EPHA6: variants seen among roughly 807,000 people sequenced by gnomAD.
The protein encoded by EPHA6 is ephrin type-A receptor 6.
EPHA6 carries 50 observed loss-of-function variants against 112.0 expected under a neutral mutation model. That is an observed-to-expected ratio of 0.45 (90% CI 0.36 to 0.56). The LOEUF (loss-of-function observed/expected upper bound fraction) is 0.56. Ranked by LOEUF, EPHA6 falls within the 20% of genes least tolerant of loss-of-function variation. The pLI is 0.00. For missense variants in EPHA6, 1,280 were observed against 1,417.4 expected (o/e 0.90, Z 1.56); for synonymous variants, 529 against 490.7 (o/e 1.08, Z -1.03).
intron 2 of EPHA6, among the ~76,000 whole-genome samples, chr3:96,970,268 A>ACACAAAC (rs1559631875): frequency 8.3e-6 from 1 of 120,888 alleles, no homozygotes; most frequent in African/African-American, 3.8e-5. Context: ...CACACACACA[A>ACACAAAC]ACACACACAC....
chr3:96,927,336 C>A (rs2107646273), intron 2 of EPHA6, among the ~76,000 whole-genome samples: 1 of 152,358 alleles, frequency 6.6e-6, no homozygotes, highest in African/African-American at 2.4e-5. Context: ...GTGAAGGTCT[C>A]TGGCATGCCC....
intron 1 of EPHA6, among the ~76,000 whole-genome samples, chr3:96,862,244 G>A (rs2036050403): frequency 6.6e-6 from 1 of 151,838 alleles, no homozygotes; most frequent in Non-Finnish European, 1.5e-5. Context: ...TGTTTTTTAA[G>A]AGCTATTGGA....
At chr3:96,942,514 C>G (rs934137863) in intron 2 of EPHA6, among the ~76,000 whole-genome samples, 1 of 152,190 alleles carries the variant, frequency 6.6e-6, no homozygotes, top group African/African-American at 2.4e-5. Flanking sequence ...TGCCGTCTGT[C>G]ACCCCTTTCT....
intron 3 of EPHA6, among the ~76,000 whole-genome samples, chr3:97,112,177 T>G (rs903516139): frequency 2.0e-4 from 30 of 152,146 alleles, no homozygotes; most frequent in Admixed American, 6.6e-4. Context: ...AATTTTCATC[T>G]CTGTTTCTTC....
chr3:97,668,678 C>T (rs1382148356), intron 14 of EPHA6, among the ~76,000 whole-genome samples: 2 of 151,892 alleles, frequency 1.3e-5, no homozygotes, highest in Non-Finnish European at 2.9e-5. Context: ...CTTTGGGAGG[C>T]CGAGGTGGGC....
chr3:96,837,344 A>G (rs1158298208), intron 1 of EPHA6, among the ~76,000 whole-genome samples: 1 of 152,132 alleles, frequency 6.6e-6, no homozygotes, highest in African/African-American at 2.4e-5. Context: ...CTTACTCTGC[A>G]TAGAGGGGTC....
intron 2 of EPHA6, among the ~76,000 whole-genome samples, chr3:96,954,852 G>A (rs1315435165): frequency 7.2e-6 from 1 of 139,620 alleles, no homozygotes; most frequent in Non-Finnish European, 1.5e-5. Flanking sequence ...GGACTGCAGT[G>A]GCGCAATCTC....
At chr3:97,536,569 G>C (rs1211250324) in intron 11 of EPHA6, among the ~76,000 whole-genome samples, 1 of 152,158 alleles carries the variant, frequency 6.6e-6, no homozygotes, top group Admixed American at 6.6e-5. Flanking sequence ...TGCTGCGCTT[G>C]CTCAAAACCC....
At chr3:97,068,588 AAG>A (rs1231692062) in intron 3 of EPHA6, among the ~76,000 whole-genome samples, 1 of 152,038 alleles carries the variant, frequency 6.6e-6, no homozygotes, top group Non-Finnish European at 1.5e-5. Context: ...GACTGAAAAT[AAG>A]AGAGTTTTGA....
intron 5 of EPHA6, among the ~76,000 whole-genome samples, chr3:97,333,454 T>C (rs1294836012): frequency 6.7e-6 from 1 of 150,316 alleles, no homozygotes; most frequent in Non-Finnish European, 1.5e-5. Context: ...TCCTTTACAC[T>C]CTGTATGGCT....
chr3:97,263,145 C>A (rs2079555257), intron 5 of EPHA6, among the ~76,000 whole-genome samples: 1 of 152,056 alleles, frequency 6.6e-6, no homozygotes, highest in East Asian at 1.9e-4. Context: ...TAAGCAGAAT[C>A]AATATTTATT....
intron 13 of EPHA6, among the ~76,000 whole-genome samples, chr3:97,633,233 T>C (rs2093918547): frequency 6.6e-6 from 1 of 151,984 alleles, no homozygotes; most frequent in Non-Finnish European, 1.5e-5. Flanking sequence ...AGGCTCACCC[T>C]TTCTGTCAGT....
At chr3:97,012,168 T>C (rs1462461119) in intron 3 of EPHA6, among the ~76,000 whole-genome samples, 4 of 152,164 alleles carry the variant, frequency 2.6e-5, no homozygotes, top group Admixed American at 6.5e-5. Context: ...AATATATATG[T>C]ACCCAGTAAT....
rs191071761 is a variant in EPHA6, at chr3:96,833,574, G to C, written c.385+18566G>C. ...CTTGCATTCTTAAGGAGTAAACTATGGTGTCTGTGTAATGGTAAGAGATGG... is the reference window on the plus strand; with the variant it reads ...CTTGCATTCTTAAGGAGTAAACTATCGTGTCTGTGTAATGGTAAGAGATGG... On this transcript the variant is annotated intron_variant, in intron 1 of 17. Transcript: ENST00000389672. Among the ~76,000 whole-genome samples the C allele has an allele frequency of 7.1e-3, 1,077 of 152,026 alleles. 15 individuals carry two copies. The highest frequency in any genetic ancestry group is 0.024 in the African/African-American group (1,011 of 41,480).
intron 12 of EPHA6, among the ~76,000 whole-genome samples, chr3:97,606,947 A>G (rs1424404969): frequency 6.6e-6 from 1 of 151,112 alleles, no homozygotes; most frequent in Non-Finnish European, 1.5e-5. Flanking sequence ...TTATCACCAC[A>G]CATTTTATTG....
intron 6 of EPHA6, among the ~76,000 whole-genome samples, chr3:97,421,076 A>C (rs2088584734): frequency 6.6e-6 from 1 of 152,104 alleles, no homozygotes; most frequent in Non-Finnish European, 1.5e-5. Context: ...CAGATCAAGC[A>C]AATAGCCGTC....
intron 14 of EPHA6, among the ~76,000 whole-genome samples, chr3:97,687,497 A>G (rs1027678094): frequency 6.6e-6 from 1 of 152,156 alleles, no homozygotes; most frequent in African/African-American, 2.4e-5. Flanking sequence ...GAAATATAAT[A>G]AGCATAGTCT....
chr3:96,838,799 T>TG (rs2107313149), intron 1 of EPHA6, among the ~76,000 whole-genome samples: 1 of 152,202 alleles, frequency 6.6e-6, no homozygotes, highest in African/African-American at 2.4e-5. Context: ...TTTCAAGTAC[T>TG]TATATGTGAA....
At position 97,558,477 on chromosome 3, in the gene EPHA6, G is replaced by C. The variant is rs993857692; in HGVS notation, c.2386+25934G>C. 2.6e-5 allele frequency among the ~76,000 whole-genome samples: 4 copies of C among 151,896 alleles called. No individual in the cohort carries two copies. The East Asian group carries it at 7.7e-4, about 29-fold the overall frequency. ...CATTATTTACTGTTTTCCCTTCATG[G>C]TTATTTCCTATCTCTCCCAATGCTA... On this transcript the variant is annotated intron_variant, in intron 11 of 17. Transcript: ENST00000389672.
Sources: gnomAD v4.1 joint callset for allele counts (sites outside exome capture counted in the v4.1 genomes callset) on GRCh38, gnomAD v4.1.1 for gene constraint, MANE v1.5 for transcripts, NCBI Gene and HGNC (gene_info 2026-07-23, HGNC 2026-07-21) for gene names.